NBPF14: variants seen among roughly 807,000 people sequenced by gnomAD.
NBPF14 encodes the protein NBPF family member NBPF14.
In NBPF14, 104 loss-of-function variants were observed where a neutral mutation model predicts 91.2. The ratio of observed to expected loss-of-function variants is 1.14; its 90% CI spans 0.97 to 1.34. The LOEUF is 1.34. Among genes scored for constraint, NBPF14 ranks in the 40% most tolerant of loss-of-function variants. NBPF14 has a pLI of 0.00. For missense variants in NBPF14, 908 were observed against 783.0 expected, an observed-to-expected ratio of 1.16 and a Z score of -1.91; for synonymous variants, 294 against 303.8, an observed-to-expected ratio of 0.97 and a Z score of 0.34.
Position 148,592,646 on chromosome 1 carries a change from C to T in NBPF14, c.399G>A (p.Pro133=), listed in dbSNP as rs1442719118. 30 of 1,588,092 alleles carry T rather than the reference C, an allele frequency of 1.9e-5. 5 individuals are homozygous for T. Among genetic ancestry groups the T allele is most frequent in the Admixed American group, 6.7e-5 (4 of 59,276 alleles). ...GCCCCTGGGACTTGTCCGGCTCATACGGAGTGAGGAGGGCCTGGAGATGCT... is the reference window on the plus strand; with the variant it reads ...GCCCCTGGGACTTGTCCGGCTCATATGGAGTGAGGAGGGCCTGGAGATGCT... The change falls in exon 4 of 71, where the codon CCG becomes CCA. Residue 133 remains proline, a synonymous_variant. Transcript: ENST00000619423.
intron 14 of NBPF14, among the ~76,000 whole-genome samples, chr1:148,577,619 C>T (rs1660126137): frequency 1.3e-5 from 2 of 149,786 alleles, no homozygotes; most frequent in Admixed American, 6.6e-5. Context: ...GGTCAGGTGA[C>T]ACACTGATGA....
In NBPF14 at chr1:148,533,820, A is replaced by T. The variant is rs781992232; in HGVS notation, c.8723+41T>A. On this transcript the variant is annotated intron_variant, in intron 70 of 70. Transcript: ENST00000619423. ...TTTCCCTGAATCTGTTGCCTCCAGG[A>T]GTTAACACAGAACTAAGGATCCACA... The T allele has an allele frequency of 4.4e-3, 3,361 of 767,444 alleles. 111 individuals are homozygous for T. In the African/African-American group the frequency reaches 0.05, roughly 11 times the overall value. 47.5% of individuals were successfully genotyped at this position (767,444 alleles called of 1,614,324 possible).
At chr1:148,569,526 G>C (rs1658929853) in intron 24 of NBPF14, 99 bp from the exon 25 acceptor site, 1 of 257,476 alleles carries the variant, frequency 3.9e-6, no homozygotes, top group Non-Finnish European at 6.7e-6. Context: ...AGTTTGAAAA[G>C]AAAAAGGACA....
At chr1:148,581,494 T>C (rs1204790080) in intron 12 of NBPF14, among the ~76,000 whole-genome samples, 1 of 151,648 alleles carries the variant, frequency 6.6e-6, no homozygotes, top group Non-Finnish European at 1.5e-5. Flanking sequence ...AGTGTTCCTA[T>C]TTCTCCACAT....
At chr1:148,577,588 A>C (rs1367195710) in intron 14 of NBPF14, among the ~76,000 whole-genome samples, 1 of 150,526 alleles carries the variant, frequency 6.6e-6, no homozygotes, top group Non-Finnish European at 1.5e-5. Flanking sequence ...TCACACACAC[A>C]CAGAGCGAGG....
chr1:148,572,468 G>C lies in NBPF14; in HGVS notation c.2733C>G (p.Tyr911Ter). The C allele has an allele frequency of 1.8e-6, 1 of 543,580 alleles. No homozygotes were observed. The highest frequency in any genetic ancestry group is 3.2e-6 in the Non-Finnish European group (1 of 316,112). The allele number at this position is 543,580 out of a possible 1,614,324, so 33.7% of individuals were successfully genotyped here. Reference sequence around the variant, plus strand: ...TGTCCACGTCAAGAGCCAAGCCAAGGTACTGTTCCTCCAATGAGTAAACAG... The same window carrying C: ...TGTCCACGTCAAGAGCCAAGCCAAGCTACTGTTCCTCCAATGAGTAAACAG... The change falls in exon 21 of 71, where the codon TAC (tyrosine) becomes TAG (stop). Residue 911 changes from tyrosine (Y) to a stop codon, truncating the protein, a stop_gained. Coordinates refer to ENST00000619423, the Ensembl canonical transcript of NBPF14. LOFTEE classifies it high-confidence loss of function.
intron 14 of NBPF14, among the ~76,000 whole-genome samples, chr1:148,577,666 A>G (rs1207898021): frequency 6.7e-6 from 1 of 148,562 alleles, no homozygotes; most frequent in East Asian, 2.0e-4. Context: ...TGCTCTCAGG[A>G]CACACAGTGA....
At chr1:148,542,269 T>C (rs1228330397) in intron 59 of NBPF14, among the ~76,000 whole-genome samples, 1 of 66,514 alleles carries the variant, frequency 1.5e-5, no homozygotes, top group Non-Finnish European at 2.4e-5. Flanking sequence ...TGAGTCAAAA[T>C]CATAGTTCTC....
chr1:148,593,865 G>A lies in NBPF14; in HGVS notation c.176-165C>T, dbSNP rs1477340110. On this transcript the variant is annotated intron_variant, in intron 2 of 70. Transcript: ENST00000619423. The stretch of plus-strand genomic sequence containing the variant: ...TTACTCTTCAGTCTCCTGACTTTCT[G>A]GCATCTGATCCTCCAAAATTTAAAG... 2.0e-5 allele frequency among the ~76,000 whole-genome samples: 3 copies of A among 149,486 alleles called. No homozygotes were observed. The East Asian group carries it at 5.8e-4, about 29-fold the overall frequency.
At chr1:148,560,254 C>G (rs1341903979) in intron 36 of NBPF14, among the ~76,000 whole-genome samples, 7 of 148,484 alleles carry the variant, frequency 4.7e-5, no homozygotes, top group East Asian at 2.0e-4. Flanking sequence ...TCAAAGGACA[C>G]TCTGAGTTAG....
intron 39 of NBPF14, among the ~76,000 whole-genome samples, chr1:148,557,781 G>T (rs1274469075): frequency 1.7e-5 from 2 of 118,536 alleles, no homozygotes; most frequent in Non-Finnish European, 3.3e-5. Flanking sequence ...TTTATCCCAA[G>T]TTTGTGCAAA....
At chr1:148,533,667 G>A (rs1217514669) in intron 70 of NBPF14, among the ~76,000 whole-genome samples, 194 bp downstream of exon 70, 1 of 148,940 alleles carries the variant, frequency 6.7e-6, no homozygotes, top group East Asian at 2.0e-4. Flanking sequence ...GTCAACCTAT[G>A]GTACGTTAGG....
At position 148,579,239 on chromosome 1, in the gene NBPF14, T is replaced by C. The variant is rs1660539170; in HGVS notation, c.1638-2A>G. ...TCCTCTTCAGACTCCTGCAGATTCC[T>C]GATGAGCCAGGCAGGACAGGGATGA... On this transcript the variant is annotated splice_acceptor_variant, in intron 12 of 70. Coordinates refer to ENST00000619423, the Ensembl canonical transcript of NBPF14. LOFTEE classifies it high-confidence loss of function. 4 of 363,446 alleles carry C rather than the reference T, an allele frequency of 1.1e-5. No homozygotes were observed. The highest frequency in any genetic ancestry group is 4.1e-5 in the East Asian group (1 of 24,686). The allele number at this position is 363,446 out of a possible 1,614,324, so 22.5% of individuals were successfully genotyped here. A position where few individuals can be genotyped will look rare whatever the true frequency, so the allele number is the denominator to read the frequency against.
chr1:148,551,751 G>A (rs1656245140), intron 47 of NBPF14, among the ~76,000 whole-genome samples: 6 of 19,774 alleles, frequency 3.0e-4, no homozygotes, highest in Non-Finnish European at 4.1e-4. Context: ...TAGGATCAGG[G>A]CACCACAGGT....
intron 70 of NBPF14, among the ~76,000 whole-genome samples, chr1:148,533,464 C>G (rs1200316513): frequency 5.9e-5 from 9 of 151,596 alleles, no homozygotes; most frequent in African/African-American, 1.9e-4. Flanking sequence ...GAGACAGAGA[C>G]AGAGACAGAG....
intron 29 of NBPF14, 78 bp downstream of exon 29, chr1:148,566,065 T>G: frequency 2.9e-6 from 1 of 340,452 alleles, no homozygotes; most frequent in African/African-American, 6.7e-5. Context: ...AGCTCAGTAA[T>G]GGCCACTTGG....
intron 3 of NBPF14, among the ~76,000 whole-genome samples, chr1:148,593,254 AGG>A (rs1195923011): frequency 6.7e-6 from 1 of 148,738 alleles, no homozygotes; most frequent in Non-Finnish European, 1.5e-5. Flanking sequence ...GTCAGTCAGG[AGG>A]TGATTCTCAC....
rs1470856060 is a variant in NBPF14 at position 148,535,348 on chromosome 1, C to A, written c.8441+105G>T. On this transcript the variant is annotated intron_variant, in intron 68 of 70. Coordinates refer to ENST00000619423, the Ensembl canonical transcript of NBPF14. ...AACAGCAATGTCAGTAGGAGTAATTCAACCTTCGCTGAAAACATGAAATTG... is the reference window on the plus strand; with the variant it reads ...AACAGCAATGTCAGTAGGAGTAATTAAACCTTCGCTGAAAACATGAAATTG... The A allele has an allele frequency of 1.0e-4, 61 of 581,132 alleles. 1 individual carries two copies. In the East Asian group the frequency reaches 1.1e-3, roughly 10 times the overall value. 36.0% of individuals were successfully genotyped at this position (581,132 alleles called of 1,614,324 possible).
intron 25 of NBPF14, among the ~76,000 whole-genome samples, chr1:148,568,877 T>C (rs1291693839): frequency 6.8e-6 from 1 of 147,988 alleles, no homozygotes; most frequent in Admixed American, 6.8e-5. Context: ...CCCTGTCTCA[T>C]CAAATACTCA....
Sources: allele counts gnomAD v4.1 joint callset (sites outside exome capture counted in the v4.1 genomes callset), GRCh38; gene constraint gnomAD v4.1.1; transcripts MANE v1.5; gene names NCBI Gene and HGNC (gene_info 2026-07-23, HGNC 2026-07-21).